The following MALRD1 variants were observed in gnomAD, a reference collection of about 807,000 sequenced individuals.
The protein encoded by MALRD1 is MAM and LDL-receptor class A domain-containing protein 1.
Under a neutral mutation model 242.1 loss-of-function variants are expected in MALRD1, and 247 were observed. The ratio of observed to expected loss-of-function variants is 1.02; its 90% CI spans 0.92 to 1.13. MALRD1 has a LOEUF of 1.13. Ranked by LOEUF, MALRD1 falls within the 50% of genes most tolerant of loss-of-function variation. The pLI is 0.00. For synonymous variants in MALRD1, 995 were observed against 866.6 expected, an observed-to-expected ratio of 1.15 and a Z score of -2.60; for missense variants, 2,989 against 2,533.1, an observed-to-expected ratio of 1.18 and a Z score of -3.86.
chr10:19,680,691 G>T (rs1295464501), intron 36 of MALRD1, among the ~76,000 whole-genome samples: 1 of 152,062 alleles, frequency 6.6e-6, no homozygotes, highest in Non-Finnish European at 1.5e-5. Context: ...GATGCTAGCT[G>T]GTTCTTTTGC....
At chr10:19,392,040 C>T (rs756068880) in intron 28 of MALRD1, among the ~76,000 whole-genome samples, 1 of 152,150 alleles carries the variant, frequency 6.6e-6, no homozygotes, top group East Asian at 1.9e-4. Flanking sequence ...TACATGGAAT[C>T]GGATTTAAAA....
At chr10:19,663,840 G>A (rs548114276) in intron 36 of MALRD1, among the ~76,000 whole-genome samples, 26 of 152,206 alleles carry the variant, frequency 1.7e-4, no homozygotes, top group African/African-American at 5.1e-4. Context: ...GGTGGATATG[G>A]TTAAAATGTT....
intron 36 of MALRD1, among the ~76,000 whole-genome samples, chr10:19,647,202 C>T (rs974946179): frequency 8.5e-5 from 13 of 152,168 alleles, no homozygotes; most frequent in Non-Finnish European, 1.5e-4. Flanking sequence ...GAAAAAGTCA[C>T]GCAAATTTGC....
chr10:19,055,014 C>T (rs113763567), intron 1 of MALRD1, among the ~76,000 whole-genome samples: 8 of 152,196 alleles, frequency 5.3e-5, no homozygotes, highest in African/African-American at 9.6e-5. Flanking sequence ...ACATTCACAC[C>T]AACAATGTAC....
chr10:19,550,664 G>C (rs527398831), intron 32 of MALRD1, among the ~76,000 whole-genome samples: 1 of 152,070 alleles, frequency 6.6e-6, no homozygotes, highest in South Asian at 2.1e-4. Context: ...GTCCCTGCAC[G>C]GGATGTGATC....
intron 5 of MALRD1, among the ~76,000 whole-genome samples, chr10:19,104,990 T>C (rs980961286): frequency 6.6e-6 from 1 of 152,128 alleles, no homozygotes; most frequent in African/African-American, 2.4e-5. Flanking sequence ...ATTTAACTTA[T>C]TGGTTATTCC....
At chr10:19,623,866 T>C (rs563990706) in intron 36 of MALRD1, among the ~76,000 whole-genome samples, 1 of 152,216 alleles carries the variant, frequency 6.6e-6, no homozygotes, top group South Asian at 2.1e-4. Flanking sequence ...AGAAATAATA[T>C]TTTACCAGCT....
chr10:19,479,704 C>G (rs1836900003), intron 29 of MALRD1, among the ~76,000 whole-genome samples: 1 of 152,138 alleles, frequency 6.6e-6, no homozygotes, highest in South Asian at 2.1e-4. Context: ...AAAACATAAT[C>G]CAGGAAGTTT....
intron 30 of MALRD1, among the ~76,000 whole-genome samples, chr10:19,494,377 CT>C (rs1837623188): frequency 6.6e-6 from 1 of 152,154 alleles, no homozygotes; most frequent in Non-Finnish European, 1.5e-5. Flanking sequence ...GCCAGAGTGT[CT>C]TCTGTTCTCC....
Position 19,442,159 on chromosome 10 carries a change from G to C in MALRD1, c.4846-8148G>C, listed in dbSNP as rs533559064. ...AGTCTGTTATTGGTGTATAGGAATG[G>C]TTGTGATTTTTGCACATTGATTTTG... On this transcript the variant is annotated intron_variant, in intron 28 of 39. Coordinates refer to ENST00000454679, the MANE Select transcript of MALRD1 (RefSeq NM_001142308.3). 2.3e-4 allele frequency among the ~76,000 whole-genome samples: 35 copies of C among 152,206 alleles called. 1 individual carries two copies. In the South Asian group the frequency reaches 6.6e-3, roughly 29 times the overall value.
At chr10:19,220,045 C>T (rs939063753) in intron 18 of MALRD1, among the ~76,000 whole-genome samples, 1 of 152,090 alleles carries the variant, frequency 6.6e-6, no homozygotes, top group Non-Finnish European at 1.5e-5. Context: ...GGATAATTTT[C>T]ATTGTTTTAT....
chr10:19,730,191 T>A (rs1835231610), intron 38 of MALRD1, among the ~76,000 whole-genome samples: 1 of 152,224 alleles, frequency 6.6e-6, no homozygotes, highest in Non-Finnish European at 1.5e-5. Flanking sequence ...AAAGAACTTT[T>A]CAAAACAGTT....
chr10:19,664,970 G>A lies in MALRD1; in HGVS notation c.6138-27312G>A, dbSNP rs564020657. Among the ~76,000 whole-genome samples the A allele has an allele frequency of 7.9e-4, 120 of 152,166 alleles. 1 individual carries two copies. The highest frequency in any genetic ancestry group is 2.9e-3 in the African/African-American group (119 of 41,532). Reference sequence around the variant, plus strand: ...AGGCCAATTACCTTGAATCTTAGCAGATCAAGAGACACTTATTAAGATTGA... The same window carrying A: ...AGGCCAATTACCTTGAATCTTAGCAAATCAAGAGACACTTATTAAGATTGA... On this transcript the variant is annotated intron_variant, in intron 36 of 39. Transcript: ENST00000454679.
At chr10:19,119,401 A>G (rs1446797260) in intron 5 of MALRD1, among the ~76,000 whole-genome samples, 4 of 152,174 alleles carry the variant, frequency 2.6e-5, no homozygotes, top group African/African-American at 9.6e-5. Flanking sequence ...GAGTTATATT[A>G]TCATGCAAAT....
chr10:19,590,134 T>C (rs1199109844), intron 33 of MALRD1, among the ~76,000 whole-genome samples: 14 of 152,056 alleles, frequency 9.2e-5, no homozygotes, highest in Non-Finnish European at 1.9e-4. Flanking sequence ...ATTTACTTGC[T>C]GAATTGCTAC....
chr10:19,528,031 A>G (rs989323395), intron 31 of MALRD1, among the ~76,000 whole-genome samples: 2 of 152,186 alleles, frequency 1.3e-5, no homozygotes, highest in East Asian at 1.9e-4. Context: ...CATTCCACCT[A>G]TGTTGTGATT....
intron 14 of MALRD1, among the ~76,000 whole-genome samples, chr10:19,196,467 A>T (rs1471043213): frequency 6.6e-6 from 1 of 151,482 alleles, no homozygotes; most frequent in Non-Finnish European, 1.5e-5. Flanking sequence ...TTTGACACAG[A>T]TGGTATCACC....
intron 26 of MALRD1, among the ~76,000 whole-genome samples, chr10:19,356,973 G>A (rs1020864020): frequency 7.2e-5 from 11 of 152,002 alleles, no homozygotes; most frequent in African/African-American, 1.2e-4. Context: ...GCCAGGCATG[G>A]TGGTGGGTGC....
chr10:19,260,610 G>A (rs1839703733), intron 19 of MALRD1, among the ~76,000 whole-genome samples: 1 of 152,156 alleles, frequency 6.6e-6, no homozygotes, highest in Non-Finnish European at 1.5e-5. Context: ...GAGGTGATGT[G>A]TAGGGACAAT....
Sources: allele counts gnomAD v4.1 joint callset (sites outside exome capture counted in the v4.1 genomes callset), GRCh38; gene constraint gnomAD v4.1.1; transcripts MANE v1.5; gene names NCBI Gene and HGNC (gene_info 2026-07-23, HGNC 2026-07-21).